SRGAP1: variants seen among roughly 807,000 people sequenced by gnomAD.
The protein encoded by SRGAP1 is SLIT-ROBO Rho GTPase activating protein 1.
In SRGAP1, 43 loss-of-function variants were observed where a neutral mutation model predicts 121.9. The observed-to-expected ratio is 0.35, with a 90% CI of 0.28 to 0.46. SRGAP1 has a LOEUF of 0.46. Ranked by LOEUF, SRGAP1 falls within the 20% of genes least tolerant of loss-of-function variation. The pLI is 1.00. For missense variants in SRGAP1, 1,102 were observed against 1,350.9 expected (o/e 0.82, Z 2.89); for synonymous variants, 447 against 485.4 (o/e 0.92, Z 1.04).
At chr12:63,873,333 C>T (rs1899916600) in intron 1 of SRGAP1, among the ~76,000 whole-genome samples, 1 of 151,858 alleles carries the variant, frequency 6.6e-6, no homozygotes. Flanking sequence ...GAGCTCAAGA[C>T]CAGCCTGACT....
At chr12:63,876,302 T>G (rs1277429602) in intron 1 of SRGAP1, among the ~76,000 whole-genome samples, 1 of 152,172 alleles carries the variant, frequency 6.6e-6, no homozygotes, top group Non-Finnish European at 1.5e-5. Flanking sequence ...GAATCTCAGA[T>G]ATAGTATTGA....
chr12:64,026,458 A>G (rs556117486), intron 4 of SRGAP1, among the ~76,000 whole-genome samples: 178 of 152,164 alleles, frequency 1.2e-3, no homozygotes, highest in African/African-American at 4.1e-3. Context: ...TTATCAGATG[A>G]TCCAATTCAA....
intron 21 of SRGAP1, among the ~76,000 whole-genome samples, chr12:64,133,454 T>G (rs1368180208): frequency 6.6e-6 from 1 of 152,170 alleles, no homozygotes; most frequent in Non-Finnish European, 1.5e-5. Context: ...CACAAGCCAC[T>G]ACTTTAACTG....
intron 1 of SRGAP1, among the ~76,000 whole-genome samples, chr12:63,850,331 ATCTATAT>A (rs1565919853): frequency 1.3e-5 from 2 of 152,112 alleles, no homozygotes; most frequent in African/African-American, 4.8e-5. Flanking sequence ...AGCTCTGACA[ATCTATAT>A]TGGTTTGTTT....
intron 4 of SRGAP1, among the ~76,000 whole-genome samples, chr12:64,033,149 T>G (rs1178930213): frequency 6.6e-6 from 1 of 152,106 alleles, no homozygotes; most frequent in Non-Finnish European, 1.5e-5. Context: ...TGTTCTCCAT[T>G]TTTCCCTTTG....
At chr12:63,951,081 T>C (rs2032275584) in intron 1 of SRGAP1, among the ~76,000 whole-genome samples, 1 of 151,162 alleles carries the variant, frequency 6.6e-6, no homozygotes, top group Non-Finnish European at 1.5e-5. Flanking sequence ...AGGTGTCTTA[T>C]CTGAGTACCT....
chr12:64,090,779 G>C (rs2036036518), intron 11 of SRGAP1, among the ~76,000 whole-genome samples: 1 of 152,138 alleles, frequency 6.6e-6, no homozygotes. Flanking sequence ...GGTGGAGGCT[G>C]CAGTGAGCCA....
intron 1 of SRGAP1, among the ~76,000 whole-genome samples, chr12:63,940,127 A>G (rs1391110906): frequency 1.3e-5 from 2 of 151,668 alleles, no homozygotes; most frequent in Non-Finnish European, 2.9e-5. Context: ...ATGCCTGGCT[A>G]ATTTTTGTAT....
intron 1 of SRGAP1, among the ~76,000 whole-genome samples, chr12:63,868,084 T>G (rs1899720324): frequency 2.0e-4 from 16 of 81,250 alleles, no homozygotes; most frequent in African/African-American, 4.5e-4. Context: ...TTTTTGTTTT[T>G]TTTTTTTTGT....
chr12:64,079,931 C>T (rs2035805998), intron 9 of SRGAP1, among the ~76,000 whole-genome samples: 2 of 152,046 alleles, frequency 1.3e-5, no homozygotes, highest in Admixed American at 1.3e-4. Flanking sequence ...AGTTCCTTGA[C>T]ATTGAATAAT....
intron 6 of SRGAP1, among the ~76,000 whole-genome samples, chr12:64,057,775 A>G (rs1342450763): frequency 2.0e-5 from 3 of 152,342 alleles, no homozygotes; most frequent in Admixed American, 6.5e-5. Context: ...AGAATTCTGC[A>G]GAGTATAGAA....
intron 21 of SRGAP1, among the ~76,000 whole-genome samples, chr12:64,139,021 GAA>G (rs1268673011): frequency 6.6e-6 from 1 of 152,094 alleles, no homozygotes; most frequent in Non-Finnish European, 1.5e-5. Flanking sequence ...TTATATATTA[GAA>G]AAAGAGGTTC....
At chr12:64,069,231 T>C (rs1468113233) in intron 8 of SRGAP1, among the ~76,000 whole-genome samples, 1 of 152,092 alleles carries the variant, frequency 6.6e-6, no homozygotes, top group African/African-American at 2.4e-5. Context: ...CTTAAAGATA[T>C]TTGAGTTTGT....
chr12:64,142,497 C>T lies in SRGAP1; in HGVS notation c.3083C>T (p.Thr1028Met), dbSNP rs115237615. The change falls in exon 22 of 22, where the codon ACG becomes ATG. Residue 1028 changes from threonine to methionine, a missense_variant. Transcript: ENST00000355086. ...RSSEPQIRRS[T>M]SSSSDTMSTF... ...TCCGAGCCTCAGATTCGACGTAGCA[C>T]GAGCTCCTCCAGTGACACAATGAGT... 5.1e-5 allele frequency: 83 copies of T among 1,614,152 alleles called. No homozygotes were observed. Among genetic ancestry groups the T allele is most frequent in the Non-Finnish European group, 5.5e-5 (65 of 1,180,032 alleles).
intron 14 of SRGAP1, among the ~76,000 whole-genome samples, chr12:64,096,525 G>A (rs7968523): frequency 0.095 from 14,504 of 152,150 alleles, 1,606 homozygotes; most frequent in African/African-American, 0.27. Context: ...ATTTAATTTA[G>A]TTCTCAGAAA....
chr12:63,862,444 T>G (rs916999129), intron 1 of SRGAP1, among the ~76,000 whole-genome samples: 2 of 152,178 alleles, frequency 1.3e-5, no homozygotes, highest in Non-Finnish European at 2.9e-5. Context: ...TCTGACTCCC[T>G]TCTCAGTTGG....
chr12:63,872,302 T>G (rs1239993730), intron 1 of SRGAP1, among the ~76,000 whole-genome samples: 1 of 152,150 alleles, frequency 6.6e-6, no homozygotes, highest in Non-Finnish European at 1.5e-5. Context: ...GAGAAAACAT[T>G]TTGTAAAATT....
At chr12:63,998,296 A>G (rs1432303426) in intron 3 of SRGAP1, among the ~76,000 whole-genome samples, 1 of 152,244 alleles carries the variant, frequency 6.6e-6, no homozygotes, top group Non-Finnish European at 1.5e-5. Flanking sequence ...TGGCATTTAC[A>G]TAACAGAAGT....
rs1292193126 is a variant in SRGAP1, at chr12:64,157,500, T to G, written c.*14828T>G. 1.3e-5 allele frequency: 2 copies of G among 152,296 alleles called. No individual in the cohort carries two copies. The highest frequency in any genetic ancestry group is 3.4e-3 in the Middle Eastern group (1 of 294). The allele number at this position is 152,296 out of a possible 1,614,324, so 9.4% of individuals were successfully genotyped here. The stretch of plus-strand genomic sequence containing the variant: ...CAAATAAGTAAATTATATTAACATG[T>G]ACAAATTTATTAAAAATACTCTTTC... On this transcript the variant is annotated 3_prime_UTR_variant, in exon 22 of 22. Transcript: ENST00000355086.
Sources: allele counts gnomAD v4.1 joint callset (sites outside exome capture counted in the v4.1 genomes callset), GRCh38; gene constraint gnomAD v4.1.1; transcripts MANE v1.5; gene names NCBI Gene and HGNC (gene_info 2026-07-23, HGNC 2026-07-21).